The following DGKG variants were observed in gnomAD, a reference collection of about 807,000 sequenced individuals.
The protein encoded by DGKG is DAG kinase gamma.
A neutral mutation model predicts 105.3 loss-of-function variants in DGKG; 78 were observed. The observed-to-expected ratio is 0.74, with a 90% confidence interval of 0.62 to 0.89. The LOEUF (loss-of-function observed/expected upper bound fraction) is 0.89. Ranked by LOEUF, DGKG falls within the 40% of genes least tolerant of loss-of-function variation. DGKG has a pLI of 0.00. For missense variants in DGKG, 958 were observed against 1,020.1 expected, an observed-to-expected ratio of 0.94 and a Z score of 0.83; for synonymous variants, 346 against 367.1, an observed-to-expected ratio of 0.94 and a Z score of 0.66.
At chr3:186,257,441 C>T (rs1387593336) in intron 17 of DGKG, among the ~76,000 whole-genome samples, 1 of 152,200 alleles carries the variant, frequency 6.6e-6, no homozygotes, top group African/African-American at 2.4e-5. Flanking sequence ...ACTTTCTGGA[C>T]TCAGGCTCCG....
chr3:186,194,803 TAA>T (rs57878064), intron 21 of DGKG, among the ~76,000 whole-genome samples: 1,271 of 105,374 alleles, frequency 0.012, 46 homozygotes, highest in African/African-American at 0.042. Flanking sequence ...GGTCTTTCTT[TAA>T]AAAAAAAAAA....
At position 186,150,030 on chromosome 3, in the gene DGKG, TGA is replaced by T; in HGVS notation, c.*58_*59del. The T allele has an allele frequency of 4.5e-6, 7 of 1,566,500 alleles. No individual in the cohort carries two copies. Among genetic ancestry groups the T allele is most frequent in the Non-Finnish European group, 6.1e-6 (7 of 1,154,520 alleles). On this transcript the variant is annotated 3_prime_UTR_variant, in exon 25 of 25. Transcript: ENST00000265022. ...TGTGAGTGTGCACATAAATTGTGTG[TGA>T]GTGTGCATTATAGTTTCTTGCTTTC...
rs1020155566 is a variant in DGKG at position 186,216,678 on chromosome 3, C to T, written c.1827-4793G>A. Reference sequence around the variant, plus strand: ...AGCCTTCAGGAAAAGCCTATAGGCACGTGGTACCCTACAATTTGAGCTGGG... The same window carrying T: ...AGCCTTCAGGAAAAGCCTATAGGCATGTGGTACCCTACAATTTGAGCTGGG... On this transcript the variant is annotated intron_variant, in intron 20 of 24. Coordinates refer to ENST00000265022, the MANE Select transcript of DGKG (RefSeq NM_001346.3). Among the ~76,000 whole-genome samples, 6 of 150,038 alleles carry T rather than the reference C, an allele frequency of 4.0e-5. No homozygotes were observed. In the East Asian group the frequency reaches 5.8e-4, roughly 14 times the overall value.
rs1056358504 is a variant in DGKG at position 186,284,439 on chromosome 3, A to C, written c.594+221T>G. ...CTCCATCCTGAGATTTGATGATCCC[A>C]GGCTTCTAGAGCGAAAAGGTAAGTT... On this transcript the variant is annotated intron_variant, in intron 7 of 24. Coordinates refer to ENST00000265022, the MANE Select transcript of DGKG (RefSeq NM_001346.3). The surrounding 1 kb of genome is among the most constrained non-coding windows in gnomAD (Gnocchi z 4.0). Among the ~76,000 whole-genome samples, 2 of 152,172 alleles carry C rather than the reference A, an allele frequency of 1.3e-5. No individual in the cohort carries two copies. Among genetic ancestry groups the C allele is most frequent in the South Asian group, 4.1e-4 (2 of 4,834 alleles).
chr3:186,307,899 T>G (rs1368417477), intron 2 of DGKG, among the ~76,000 whole-genome samples: 63 of 144,106 alleles, frequency 4.4e-4, no homozygotes, highest in Non-Finnish European at 8.3e-4. Flanking sequence ...TTTTTTTACC[T>G]GATTTTTATT....
rs1040456057 is a variant in DGKG, at chr3:186,284,033, C to G, written c.594+627G>C. Among the ~76,000 whole-genome samples, 1 of 152,198 alleles carries G rather than the reference C, an allele frequency of 6.6e-6. No homozygotes were observed. Among genetic ancestry groups the G allele is most frequent in the African/African-American group, 2.4e-5 (1 of 41,430 alleles). ...TCCATTCTTCCTTTTACTCCACGAG[C>G]CTTGATCGATCCTTGCCTGTTCCTG... is the stretch of plus-strand genomic sequence containing the variant. On this transcript the variant is annotated intron_variant, in intron 7 of 24. Coordinates refer to ENST00000265022, the MANE Select transcript of DGKG (RefSeq NM_001346.3). The surrounding 1 kb of genome is among the most constrained non-coding windows in gnomAD (Gnocchi z 4.0).
At chr3:186,205,257 CAAA>C (rs71164580) in intron 21 of DGKG, among the ~76,000 whole-genome samples, 20 of 72,972 alleles carry the variant, frequency 2.7e-4, no homozygotes, top group African/African-American at 4.4e-4. Flanking sequence ...AACTCCTTCT[CAAA>C]AAAAAAAAAA....
At chr3:186,186,919 C>T (rs928382612) in intron 22 of DGKG, among the ~76,000 whole-genome samples, 2 of 152,178 alleles carry the variant, frequency 1.3e-5, no homozygotes, top group African/African-American at 4.8e-5. Flanking sequence ...AGTGGAAGGC[C>T]CAGCTGGTGG....
intron 1 of DGKG, among the ~76,000 whole-genome samples, chr3:186,324,104 C>CAAAAAA (rs561960985): frequency 3.4e-5 from 2 of 58,352 alleles, no homozygotes; most frequent in Admixed American, 2.0e-4. Flanking sequence ...GAGAGTCTGT[C>CAAAAAA]AAAAAAAAAA....
rs568811175 is a variant in DGKG, at chr3:186,356,571, G to A, written c.-249+5375C>T. Reference sequence around the variant, plus strand: ...ACCTTAAAGAGTTTTAATAGAAATAGGAAATAGAATGAGGAGGTGGTAATT... The same window carrying A: ...ACCTTAAAGAGTTTTAATAGAAATAAGAAATAGAATGAGGAGGTGGTAATT... On this transcript the variant is annotated intron_variant, in intron 1 of 24. Transcript: ENST00000265022. Among the ~76,000 whole-genome samples, 10 of 152,290 alleles carry A rather than the reference G, an allele frequency of 6.6e-5. No homozygotes were observed. In the South Asian group the frequency reaches 2.1e-3, roughly 32 times the overall value.
rs764034758 is a variant in DGKG at position 186,166,309 on chromosome 3, G to A, written c.2096-1291C>T. Among the ~76,000 whole-genome samples, 30 of 152,164 alleles carry A rather than the reference G, an allele frequency of 2.0e-4. 1 individual carries two copies. The highest frequency in any genetic ancestry group is 2.1e-4 in the Non-Finnish European group (14 of 68,036). ...GCTTGCATCAGTCTTTCTGTGACAG[G>A]CACATAGCTTTCCCCCTCTACATCT... On this transcript the variant is annotated intron_variant, in intron 22 of 24. Coordinates refer to ENST00000265022, the MANE Select transcript of DGKG (RefSeq NM_001346.3).
intron 5 of DGKG, among the ~76,000 whole-genome samples, chr3:186,293,021 G>A (rs976929176): frequency 6.6e-6 from 1 of 151,916 alleles, no homozygotes; most frequent in African/African-American, 2.4e-5. Flanking sequence ...AGGGTCCAGA[G>A]GTTTTTCACA....
chr3:186,217,327 C>T (rs1472245928), intron 20 of DGKG, among the ~76,000 whole-genome samples: 1 of 152,148 alleles, frequency 6.6e-6, no homozygotes, highest in Non-Finnish European at 1.5e-5. Flanking sequence ...CCTTAACCAG[C>T]TGTTCTGAGG....
intron 19 of DGKG, among the ~76,000 whole-genome samples, chr3:186,243,846 A>G (rs1720801132): frequency 1.4e-5 from 2 of 147,298 alleles, no homozygotes; most frequent in African/African-American, 5.3e-5. Flanking sequence ...TGAATTTTGA[A>G]TTTTCATCAA....
At position 186,212,809 on chromosome 3, in the gene DGKG, C is replaced by T. The variant is rs546183839; in HGVS notation, c.1827-924G>A. On this transcript the variant is annotated intron_variant, in intron 20 of 24. Coordinates refer to ENST00000265022, the MANE Select transcript of DGKG (RefSeq NM_001346.3). ...AGAGAAGGGACACCTGTCCAGTTTACGAGCTGACAGATTTTGCTAAGGAAG... is the reference window on the plus strand; with the variant it reads ...AGAGAAGGGACACCTGTCCAGTTTATGAGCTGACAGATTTTGCTAAGGAAG... Among the ~76,000 whole-genome samples, 7 of 152,250 alleles carry T rather than the reference C, an allele frequency of 4.6e-5. No homozygotes were observed. In the South Asian group the frequency reaches 6.2e-4, roughly 14 times the overall value.
At chr3:186,267,030 G>A (rs1412919178) in intron 13 of DGKG, among the ~76,000 whole-genome samples, 1 of 152,184 alleles carries the variant, frequency 6.6e-6, no homozygotes, top group African/African-American at 2.4e-5. Context: ...TTTGAAAGAG[G>A]AGTCTTCAAC....
chr3:186,308,470 A>G (rs991905565), intron 2 of DGKG, among the ~76,000 whole-genome samples: 1 of 152,134 alleles, frequency 6.6e-6, no homozygotes, highest in Non-Finnish European at 1.5e-5. Flanking sequence ...AAGCTCACAC[A>G]GTGTTTTTTG....
At chr3:186,265,508 C>T (rs1391189855) in intron 13 of DGKG, among the ~76,000 whole-genome samples, 4 of 152,190 alleles carry the variant, frequency 2.6e-5, no homozygotes, top group Non-Finnish European at 5.9e-5. Context: ...CTTCAGGCCT[C>T]CAGTGATGAC....
intron 1 of DGKG, among the ~76,000 whole-genome samples, chr3:186,331,626 G>A (rs1189760847): frequency 6.6e-6 from 1 of 152,130 alleles, no homozygotes; most frequent in Admixed American, 6.6e-5. Context: ...GGGGGAGCTG[G>A]GAGTGGCTGG....
Sources: allele counts gnomAD v4.1 joint callset (sites outside exome capture counted in the v4.1 genomes callset), GRCh38; gene constraint gnomAD v4.1.1; non-coding constraint Gnocchi (gnomAD v3.1); transcripts MANE v1.5; gene names NCBI Gene and HGNC (gene_info 2026-07-23, HGNC 2026-07-21).